PLPP4: variants seen among roughly 807,000 people sequenced by gnomAD.
The protein encoded by PLPP4 is diacylglycerol pyrophosphate like 2.
PLPP4 carries 20 observed loss-of-function variants against 32.2 expected under a neutral mutation model. The observed-to-expected ratio is 0.62, with a 90% CI of 0.44 to 0.90. The LOEUF (loss-of-function observed/expected upper bound fraction) is 0.90, where lower values mean the gene tolerates loss of function less well. PLPP4 is among the 40% of genes least tolerant of loss of function. The pLI is 0.00. For missense variants in PLPP4, 257 were observed against 353.1 expected, an observed-to-expected ratio of 0.73 and a Z score of 2.18; for synonymous variants, 127 against 133.0, an observed-to-expected ratio of 0.95 and a Z score of 0.31.
chr10:120,531,487 T>C, intron 5 of PLPP4, among the ~76,000 whole-genome samples: 1 of 152,204 alleles, frequency 6.6e-6, no homozygotes, highest in African/African-American at 2.4e-5. Flanking sequence ...TCTTCTTTTA[T>C]GGCTATTGCA....
At chr10:120,537,290 G>A (rs1847076094) in intron 5 of PLPP4, among the ~76,000 whole-genome samples, 2 of 152,064 alleles carry the variant, frequency 1.3e-5, no homozygotes, top group South Asian at 4.1e-4. Context: ...GAAACACCCT[G>A]TCAATGGATG....
chr10:120,517,715 T>G (rs1011369589), intron 3 of PLPP4, among the ~76,000 whole-genome samples: 5 of 152,174 alleles, frequency 3.3e-5, no homozygotes, highest in Admixed American at 3.3e-4. Flanking sequence ...TTCGGATAAC[T>G]TGTTAAAAGC....
chr10:120,529,324 A>G (rs1335500652), intron 5 of PLPP4, among the ~76,000 whole-genome samples: 1 of 152,178 alleles, frequency 6.6e-6, no homozygotes, highest in Non-Finnish European at 1.5e-5. Flanking sequence ...TCAAATGTGA[A>G]TAGTGTCCAG....
intron 6 of PLPP4, among the ~76,000 whole-genome samples, chr10:120,585,273 G>A (rs78492745): frequency 0.049 from 7,416 of 152,260 alleles, 237 homozygotes; most frequent in Admixed American, 0.091. Flanking sequence ...ATTTAATCAC[G>A]TTAATTACAC....
intron 5 of PLPP4, among the ~76,000 whole-genome samples, chr10:120,550,198 T>C (rs1847823250): frequency 1.3e-5 from 2 of 151,950 alleles, no homozygotes; most frequent in African/African-American, 4.8e-5. Flanking sequence ...AATAGAGACT[T>C]TTAAAGTACC....
intron 5 of PLPP4, among the ~76,000 whole-genome samples, chr10:120,538,432 A>G (rs910418929): frequency 8.5e-5 from 13 of 152,074 alleles, no homozygotes; most frequent in Non-Finnish European, 1.5e-4. Flanking sequence ...TCTGCTAATT[A>G]GTGCTAAATA....
intron 6 of PLPP4, among the ~76,000 whole-genome samples, chr10:120,579,609 A>C (rs1456370668): frequency 6.6e-6 from 1 of 152,208 alleles, no homozygotes; most frequent in East Asian, 1.9e-4. Flanking sequence ...CCCAGGCAGA[A>C]GCTATTCCCT....
At chr10:120,462,887 T>G (rs1164729922) in intron 1 of PLPP4, among the ~76,000 whole-genome samples, 1 of 152,106 alleles carries the variant, frequency 6.6e-6, no homozygotes, top group Non-Finnish European at 1.5e-5. Flanking sequence ...TAGAGTGGCC[T>G]TTGTAAGAGG....
intron 5 of PLPP4, among the ~76,000 whole-genome samples, chr10:120,526,036 C>G (rs576767350): frequency 3.7e-4 from 57 of 152,146 alleles, no homozygotes; most frequent in African/African-American, 1.3e-3. Flanking sequence ...CTGGACTGAT[C>G]TTATCTTTTT....
At position 120,510,014 on chromosome 10, in the gene PLPP4, C is replaced by T. The variant is rs139694853; in HGVS notation, c.166-3897C>T. ...ACCACTTGATTAGTTGTGTGACTTC[C>T]AGCAGGTTGCTGAACCTCTCTGTGC... On this transcript the variant is annotated intron_variant, in intron 2 of 6. Transcript: ENST00000398250. Among the ~76,000 whole-genome samples, 12 of 152,296 alleles carry T rather than the reference C, an allele frequency of 7.9e-5. No individual in the cohort carries two copies. The East Asian group carries it at 2.3e-3, about 29-fold the overall frequency.
intron 5 of PLPP4, among the ~76,000 whole-genome samples, chr10:120,554,402 C>T (rs1337428420): frequency 6.6e-6 from 1 of 152,070 alleles, no homozygotes; most frequent in Non-Finnish European, 1.5e-5. Context: ...AACAATTTAA[C>T]AAGTCTCTAG....
At chr10:120,525,814 T>G (rs1846362833) in intron 5 of PLPP4, among the ~76,000 whole-genome samples, 1 of 152,248 alleles carries the variant, frequency 6.6e-6, no homozygotes, top group South Asian at 2.1e-4. Context: ...TTTCCTTTGC[T>G]TTGTTTTTCT....
At chr10:120,581,026 G>C (rs1421695653) in intron 6 of PLPP4, 41 of 1,289,256 alleles carry the variant, frequency 3.2e-5, no homozygotes, top group Non-Finnish European at 3.8e-5. Flanking sequence ...GTGCCTAGGA[G>C]AGCGTAAGAA....
chr10:120,476,355 C>T (rs1712770891), intron 1 of PLPP4, among the ~76,000 whole-genome samples: 1 of 152,172 alleles, frequency 6.6e-6, no homozygotes, highest in Non-Finnish European at 1.5e-5. Flanking sequence ...CGTTTTTATG[C>T]TGTATGTGCA....
intron 1 of PLPP4, among the ~76,000 whole-genome samples, chr10:120,477,054 C>T (rs1045129632): frequency 2.0e-5 from 3 of 152,160 alleles, no homozygotes; most frequent in Admixed American, 6.5e-5. Flanking sequence ...AATCCAGTCT[C>T]TCCCTGGATG....
intron 6 of PLPP4, among the ~76,000 whole-genome samples, chr10:120,577,094 C>T (rs1275322509): frequency 2.0e-5 from 3 of 152,206 alleles, no homozygotes; most frequent in South Asian, 4.1e-4. Context: ...AAATTTACTA[C>T]ACACATGCAA....
intron 5 of PLPP4, among the ~76,000 whole-genome samples, chr10:120,561,801 A>T (rs1848448311): frequency 6.6e-6 from 1 of 152,196 alleles, no homozygotes; most frequent in African/African-American, 2.4e-5. Context: ...CCCAGAAGTG[A>T]CACATGCCAG....
At chr10:120,588,029 C>T (rs1033128430) in intron 6 of PLPP4, among the ~76,000 whole-genome samples, 40 of 152,210 alleles carry the variant, frequency 2.6e-4, no homozygotes, top group Non-Finnish European at 7.3e-5. Context: ...CACAGCATCA[C>T]GGACCAGTGC....
chr10:120,555,165 C>A (rs1157941451), intron 5 of PLPP4, among the ~76,000 whole-genome samples: 5 of 151,918 alleles, frequency 3.3e-5, no homozygotes, highest in Non-Finnish European at 5.9e-5. Context: ...CAAGCAGAAC[C>A]TACATAGCAA....
Sources: gnomAD v4.1 joint callset for allele counts (sites outside exome capture counted in the v4.1 genomes callset) on GRCh38, gnomAD v4.1.1 for gene constraint, MANE v1.5 for transcripts, NCBI Gene and HGNC (gene_info 2026-07-23, HGNC 2026-07-21) for gene names.